DOCK4: variants seen among roughly 807,000 people sequenced by gnomAD.
The protein encoded by DOCK4 is dedicator of cytokinesis protein 4.
A neutral mutation model predicts 268.1 loss-of-function variants in DOCK4; 97 were observed. The ratio of observed to expected loss-of-function variants is 0.36; its 90% CI spans 0.31 to 0.43. DOCK4 has a LOEUF of 0.43. Ranked by LOEUF, DOCK4 falls within the 20% of genes least tolerant of loss-of-function variation. The pLI, the probability that DOCK4 is intolerant of heterozygous loss-of-function variation, is 1.00. For missense variants in DOCK4, 2,145 were observed against 2,455.7 expected (o/e 0.87, Z 2.67); for synonymous variants, 954 against 887.2 (o/e 1.08, Z -1.34).
intron 23 of DOCK4, among the ~76,000 whole-genome samples, chr7:111,847,630 GA>G (rs1804220034): frequency 6.6e-6 from 1 of 152,192 alleles, no homozygotes; most frequent in African/African-American, 2.4e-5. Flanking sequence ...TTGTGGTAGT[GA>G]ATATGTCTCA....
chr7:111,818,509 C>T (rs1801733044), intron 27 of DOCK4, among the ~76,000 whole-genome samples: 1 of 152,214 alleles, frequency 6.6e-6, no homozygotes, highest in African/African-American at 2.4e-5. Context: ...CTCCCACCCA[C>T]ACCCAGTCAC....
chr7:112,188,541 G>C (rs1819651909), intron 1 of DOCK4, among the ~76,000 whole-genome samples: 1 of 152,208 alleles, frequency 6.6e-6, no homozygotes, highest in Non-Finnish European at 1.5e-5. Context: ...GATATGAAGA[G>C]CTTTATTACA....
chr7:112,045,505 A>G (rs559589934), intron 1 of DOCK4, among the ~76,000 whole-genome samples: 167 of 152,344 alleles, frequency 1.1e-3, no homozygotes, highest in African/African-American at 3.8e-3. Flanking sequence ...GGCACATAGC[A>G]GATTCTCAGT....
intron 1 of DOCK4, among the ~76,000 whole-genome samples, chr7:112,177,136 C>G (rs1306354456): frequency 6.6e-6 from 1 of 152,182 alleles, no homozygotes; most frequent in Admixed American, 6.5e-5. Context: ...ATATGATCCT[C>G]GCAGAGTGGT....
intron 7 of DOCK4, among the ~76,000 whole-genome samples, chr7:111,982,972 C>T (rs1355333666): frequency 6.6e-6 from 1 of 152,160 alleles, no homozygotes; most frequent in African/African-American, 2.4e-5. Context: ...ACTTGGAATG[C>T]TCTTATTTTT....
intron 1 of DOCK4, among the ~76,000 whole-genome samples, chr7:112,054,280 A>G (rs1467092892): frequency 6.6e-6 from 1 of 152,198 alleles, no homozygotes; most frequent in African/African-American, 2.4e-5. Context: ...TGAGTTTGGG[A>G]TGACAAAACT....
Position 111,944,815 on chromosome 7 carries a change from T to A in DOCK4, c.840A>T (p.Arg280=). The change falls in exon 10 of 53, where the codon CGA becomes CGT. Residue 280 remains arginine, a synonymous_variant. Coordinates refer to ENST00000428084, the MANE Select transcript of DOCK4 (RefSeq NM_001363540.2). ...KDIYITVHII[R]IGRMGAGEKK... The stretch of plus-strand genomic sequence containing the variant: ...ACTGACAAGTGTTATACCTACCGAT[T>A]CGGATAATGTGCACGGTGATATAAA... 4 of 1,613,860 alleles carry A rather than the reference T, an allele frequency of 2.5e-6. No individual in the cohort carries two copies. The highest frequency in any genetic ancestry group is 2.5e-6 in the Non-Finnish European group (3 of 1,179,762).
At chr7:111,856,682 A>G (rs1040080375) in intron 23 of DOCK4, among the ~76,000 whole-genome samples, 1 of 152,050 alleles carries the variant, frequency 6.6e-6, no homozygotes, top group African/African-American at 2.4e-5. Context: ...AAAGGGCTTC[A>G]CCCTAGAGTT....
intron 8 of DOCK4, among the ~76,000 whole-genome samples, chr7:111,961,873 G>C (rs1796926643): frequency 1.3e-5 from 2 of 152,014 alleles, no homozygotes; most frequent in Non-Finnish European, 2.9e-5. Context: ...GTTCTTTAAA[G>C]ACATTGGAAA....
Position 112,197,591 on chromosome 7 carries a change from C to T in DOCK4, c.37+8511G>A, listed in dbSNP as rs1563178910. 3.3e-5 allele frequency among the ~76,000 whole-genome samples: 5 copies of T among 152,284 alleles called. No individual in the cohort carries two copies. In the South Asian group the frequency reaches 6.2e-4, roughly 19 times the overall value. ...AGAAAAGACTGTAAAATGTAGTTTA[C>T]GACCAACTCTAAATGGACAGCTAAT... On this transcript the variant is annotated intron_variant, in intron 1 of 52. Transcript: ENST00000428084.
At chr7:112,048,247 T>A (rs1805002063) in intron 1 of DOCK4, among the ~76,000 whole-genome samples, 1 of 151,172 alleles carries the variant, frequency 6.6e-6, no homozygotes, top group Non-Finnish European at 1.5e-5. Context: ...AAGGAAAAAA[T>A]TCTTAAAAAT....
chr7:112,027,872 G>A (rs994424199), intron 1 of DOCK4, among the ~76,000 whole-genome samples: 2 of 152,206 alleles, frequency 1.3e-5, no homozygotes, highest in Non-Finnish European at 2.9e-5. Flanking sequence ...GACAAGGTGA[G>A]TAAATCACAG....
rs559008792 is a variant in DOCK4, at chr7:111,974,195, C to T, written c.701+2937G>A. Among the ~76,000 whole-genome samples, 33 of 152,170 alleles carry T rather than the reference C, an allele frequency of 2.2e-4. 1 individual carries two copies. The East Asian group carries it at 3.9e-3, about 18-fold the overall frequency. ...GGGACGGTGAACTGCCCTGTGTTCCCGGCAGTTTGAACCAAACTGACTCAT... is the reference window on the plus strand; with the variant it reads ...GGGACGGTGAACTGCCCTGTGTTCCTGGCAGTTTGAACCAAACTGACTCAT... On this transcript the variant is annotated intron_variant, in intron 8 of 52. Transcript: ENST00000428084.
intron 8 of DOCK4, among the ~76,000 whole-genome samples, chr7:111,956,672 A>C (rs1411199367): frequency 1.3e-5 from 2 of 152,198 alleles, no homozygotes; most frequent in East Asian, 3.9e-4. Context: ...CTATTCCCCT[A>C]TCTATTTCTT....
intron 1 of DOCK4, among the ~76,000 whole-genome samples, chr7:112,176,109 T>A (rs1282637636): frequency 1.3e-5 from 2 of 152,198 alleles, no homozygotes; most frequent in African/African-American, 2.4e-5. Context: ...ATTTCAATCA[T>A]TCCTTTGTTT....
At chr7:111,851,958 C>CT (rs35969396) in intron 23 of DOCK4, among the ~76,000 whole-genome samples, 13,560 of 124,932 alleles carry the variant, frequency 0.11, 1,829 homozygotes, top group African/African-American at 0.29. Context: ...TCTCTCCTTC[C>CT]TTTTTTTTTT....
intron 12 of DOCK4, among the ~76,000 whole-genome samples, chr7:111,926,519 AAG>A (rs1159257443): frequency 7.5e-6 from 1 of 134,072 alleles, no homozygotes; most frequent in East Asian, 2.0e-4. Flanking sequence ...GGAAGAAAAA[AAG>A]AAAGAAAAAG....
intron 11 of DOCK4, among the ~76,000 whole-genome samples, chr7:111,939,508 CCTT>C (rs1308484329): frequency 1.4e-5 from 2 of 144,024 alleles, no homozygotes; most frequent in South Asian, 2.2e-4. Flanking sequence ...GAGCGAGACT[CCTT>C]CTCAAAAAAA....
intron 1 of DOCK4, among the ~76,000 whole-genome samples, chr7:112,121,450 A>ACAGGGG (rs1812719157): frequency 1.3e-5 from 2 of 152,306 alleles, no homozygotes; most frequent in African/African-American, 4.8e-5. Context: ...GCTTTAGACA[A>ACAGGGG]ATCCACAGGG....
Sources: gnomAD v4.1 joint callset for allele counts (sites outside exome capture counted in the v4.1 genomes callset) on GRCh38, gnomAD v4.1.1 for gene constraint, MANE v1.5 for transcripts, NCBI Gene and HGNC (gene_info 2026-07-23, HGNC 2026-07-21) for gene names.